ANKRD30B: variants seen among roughly 807,000 people sequenced by gnomAD.
ANKRD30B encodes the protein ankyrin repeat domain 30B.
ANKRD30B carries 144 observed loss-of-function variants against 202.2 expected under a neutral mutation model. The observed-to-expected ratio is 0.71, with a 90% CI of 0.62 to 0.82. The LOEUF is 0.82. Among genes scored for constraint, ANKRD30B ranks in the 40% least tolerant of loss-of-function variants. The pLI is 0.00. For synonymous variants in ANKRD30B, 508 were observed against 561.3 expected (o/e 0.91, Z 1.34); for missense variants, 1,487 against 1,669.1 (o/e 0.89, Z 1.90).
chr18:14,938,296 A>G, the ANKRD30B span, among the ~76,000 whole-genome samples: 3 of 152,206 alleles, frequency 2.0e-5, no homozygotes, highest in Non-Finnish European at 4.4e-5. Flanking sequence ...AAAATTTAAA[A>G]AGTGGCTTTA....
intron 15 of ANKRD30B, among the ~76,000 whole-genome samples, chr18:14,789,766 C>G (rs1484964699): frequency 6.6e-6 from 1 of 152,104 alleles, no homozygotes; most frequent in Non-Finnish European, 1.5e-5. Context: ...GTTTTGGTAC[C>G]AGTACCACGC....
the ANKRD30B span, among the ~76,000 whole-genome samples, chr18:14,873,555 T>C: frequency 6.7e-6 from 1 of 148,266 alleles, no homozygotes; most frequent in South Asian, 2.1e-4. Context: ...AGAGAGAATT[T>C]GGGCTTTAGA....
chr18:14,756,321 T>C lies in ANKRD30B; in HGVS notation c.617+1316T>C, dbSNP rs1215570432. Among the ~76,000 whole-genome samples, 7 of 152,104 alleles carry C rather than the reference T, an allele frequency of 4.6e-5. No homozygotes were observed. The South Asian group carries it at 8.3e-4, about 18-fold the overall frequency. On this transcript the variant is annotated intron_variant, in intron 4 of 43. Coordinates refer to ENST00000690538, the MANE Select transcript of ANKRD30B (RefSeq NM_001367607.2). The stretch of plus-strand genomic sequence containing the variant: ...GGATATTAGCCCTTTGTTAGATGAG[T>C]AGGTTGCAAAAATTTTCTCCCATTC...
rs577197283 is a variant in ANKRD30B, at chr18:14,806,764, T to C, written c.2285-1787T>C. Among the ~76,000 whole-genome samples the C allele has an allele frequency of 1.1e-3, 170 of 149,222 alleles. 5 individuals carry two copies. The highest frequency in any genetic ancestry group is 4.0e-3 in the African/African-American group (162 of 40,188). ...CAGCTATTTTCTTCATAAAGGAAAA[T>C]ATTTTGGTTACATACTCATTTCCTA... On this transcript the variant is annotated intron_variant, in intron 24 of 43. Transcript: ENST00000690538.
chr18:14,938,093 C>T, the ANKRD30B span, among the ~76,000 whole-genome samples: 16 of 152,158 alleles, frequency 1.1e-4, no homozygotes, highest in Non-Finnish European at 2.1e-4. Flanking sequence ...TCTGCCTTCA[C>T]TCCTCTCCCT....
chr18:14,865,120 C>G, the ANKRD30B span, among the ~76,000 whole-genome samples: 1 of 151,748 alleles, frequency 6.6e-6, no homozygotes, highest in Non-Finnish European at 1.5e-5. Context: ...CTCTTCTCCC[C>G]CTCCATCTAC....
intron 15 of ANKRD30B, among the ~76,000 whole-genome samples, chr18:14,790,327 A>G (rs1198261974): frequency 6.6e-6 from 1 of 152,166 alleles, no homozygotes; most frequent in Non-Finnish European, 1.5e-5. Context: ...CAATCATGTC[A>G]TCTGCAAATA....
At chr18:14,937,556 A>C in the ANKRD30B span, among the ~76,000 whole-genome samples, 3 of 38,146 alleles carry the variant, frequency 7.9e-5, no homozygotes, top group Non-Finnish European at 1.2e-4. Flanking sequence ...TCGCAGGCCA[A>C]TCTTTCATGG....
At chr18:14,750,842 G>A (rs1247993935) in intron 1 of ANKRD30B, among the ~76,000 whole-genome samples, 1 of 152,032 alleles carries the variant, frequency 6.6e-6, no homozygotes, top group East Asian at 1.9e-4. Flanking sequence ...CTATGGTCTT[G>A]TGTTATCTGA....
chr18:14,777,280 G>C (rs1598603491), intron 9 of ANKRD30B, among the ~76,000 whole-genome samples: 1 of 148,654 alleles, frequency 6.7e-6, no homozygotes, highest in African/African-American at 2.5e-5. Flanking sequence ...TGCCTTTAAA[G>C]TTAAAAAAAA....
intron 7 of ANKRD30B, among the ~76,000 whole-genome samples, chr18:14,766,767 A>G (rs1229056710): frequency 6.6e-6 from 1 of 152,176 alleles, no homozygotes; most frequent in East Asian, 1.9e-4. Flanking sequence ...ATAAGAAGAA[A>G]GCCATTGACA....
chr18:14,901,919 T>A, the ANKRD30B span, among the ~76,000 whole-genome samples: 1 of 152,188 alleles, frequency 6.6e-6, no homozygotes, highest in Non-Finnish European at 1.5e-5. Flanking sequence ...TGAGTCCATT[T>A]TTATGCCGCT....
At chr18:14,797,213 C>T (rs570016343) in intron 18 of ANKRD30B, among the ~76,000 whole-genome samples, 2 of 152,052 alleles carry the variant, frequency 1.3e-5, no homozygotes, top group Non-Finnish European at 2.9e-5. Context: ...CAGGTACCCC[C>T]CCATGCGTCT....
At chr18:14,828,345 C>T in intron 33 of ANKRD30B, 37 bp downstream of exon 33, 1 of 1,412,758 alleles carries the variant, frequency 7.1e-7, no homozygotes, top group South Asian at 1.3e-5. Context: ...TATATGTTAA[C>T]TCAGAAAATA....
At chr18:14,775,639 C>G (rs902007998) in intron 9 of ANKRD30B, among the ~76,000 whole-genome samples, 1 of 152,186 alleles carries the variant, frequency 6.6e-6, no homozygotes, top group Non-Finnish European at 1.5e-5. Context: ...ATTCTTTTCA[C>G]AAATAGAACT....
intron 9 of ANKRD30B, 114 bp downstream of exon 9, chr18:14,772,342 G>T (rs899533737): frequency 5.2e-6 from 3 of 575,270 alleles, no homozygotes; most frequent in Non-Finnish European, 8.0e-6. Context: ...AAGTTGGTCA[G>T]ATAAAAACAT....
chr18:14,865,379 C>T, the ANKRD30B span, among the ~76,000 whole-genome samples: 79 of 151,404 alleles, frequency 5.2e-4, no homozygotes, highest in African/African-American at 1.8e-3. Flanking sequence ...TTCCACTTGT[C>T]ACCCTTTTCC....
intron 11 of ANKRD30B, among the ~76,000 whole-genome samples, chr18:14,780,640 G>A (rs72873717): frequency 4.8e-3 from 198 of 40,834 alleles, no homozygotes; most frequent in South Asian, 0.011. Flanking sequence ...GAGTCCACCT[G>A]TGGGCAAATA....
chr18:14,861,743 A>G, the ANKRD30B span, among the ~76,000 whole-genome samples: 1 of 152,108 alleles, frequency 6.6e-6, no homozygotes, highest in Admixed American at 6.5e-5. Flanking sequence ...CAGAAAACTA[A>G]CAATGAAACT....
Sources: allele counts gnomAD v4.1 joint callset (sites outside exome capture counted in the v4.1 genomes callset), GRCh38; gene constraint gnomAD v4.1.1; transcripts MANE v1.5; gene names NCBI Gene and HGNC (gene_info 2026-07-23, HGNC 2026-07-21).